The following LARP1 variants were observed in gnomAD, a reference collection of about 807,000 sequenced individuals.
LARP1 encodes la-related protein 1.
Under a neutral mutation model 122.7 loss-of-function variants are expected in LARP1, and 36 were observed. That is an observed-to-expected ratio of 0.29 (90% confidence interval 0.22 to 0.39). LARP1 has a LOEUF of 0.39. Among genes scored for constraint, LARP1 ranks in the 10% least tolerant of loss-of-function variants. The pLI, the probability that LARP1 is intolerant of heterozygous loss-of-function variation, is 1.00. For missense variants in LARP1, 1,040 were observed against 1,403.6 expected (o/e 0.74, Z 4.14); for synonymous variants, 539 against 528.7 (o/e 1.02, Z -0.27).
At chr5:154,790,475 A>G in intron 2 of LARP1, 89 bp downstream of exon 2, 1 of 1,353,138 alleles carries the variant, frequency 7.4e-7, no homozygotes, top group Non-Finnish European at 1.0e-6. Context: ...ACTGCCAACT[A>G]GTTCTGGATT....
chr5:154,808,894 A>G (rs1396551057), intron 16 of LARP1, among the ~76,000 whole-genome samples: 1 of 152,162 alleles, frequency 6.6e-6, no homozygotes, highest in Non-Finnish European at 1.5e-5. Context: ...AAAGGACCCT[A>G]TGTAAGTAAG....
chr5:154,711,916 A>C (rs1755241928), upstream of LARP1, among the ~76,000 whole-genome samples: 1 of 152,084 alleles, frequency 6.6e-6, no homozygotes. Flanking sequence ...TCACCTCCCT[A>C]GGGAGGGCCT....
At chr5:154,810,135 C>T (rs1402566217) in intron 16 of LARP1, among the ~76,000 whole-genome samples, 1 of 152,070 alleles carries the variant, frequency 6.6e-6, no homozygotes, top group Non-Finnish European at 1.5e-5. Context: ...TTTGGTACAT[C>T]TGTTAAGATC....
chr5:154,763,540 A>G (rs1307123892), intron 1 of LARP1, among the ~76,000 whole-genome samples: 1 of 150,328 alleles, frequency 6.7e-6, no homozygotes, highest in East Asian at 2.0e-4. Flanking sequence ...GCACTTTGGG[A>G]GACCGAGATG....
chr5:154,697,910 C>T (rs1039154751), intron 1 of LARP1, among the ~76,000 whole-genome samples: 6 of 152,164 alleles, frequency 3.9e-5, no homozygotes, highest in East Asian at 1.9e-4. Flanking sequence ...ACTGCAGCCT[C>T]GGACTCCTGG....
chr5:154,757,591 AACCATC>A (rs1268479115), intron 1 of LARP1, among the ~76,000 whole-genome samples: 5 of 152,076 alleles, frequency 3.3e-5, no homozygotes, highest in African/African-American at 1.2e-4. Context: ...AACTGGTTTA[AACCATC>A]AAAAATAAAG....
intron 4 of LARP1, 119 bp downstream of exon 4, chr5:154,792,915 C>T (rs1757453795): frequency 2.2e-6 from 2 of 909,598 alleles, no homozygotes; most frequent in Admixed American, 5.1e-5. Context: ...AATGGGGAAA[C>T]TGATGGATGT....
At chr5:154,746,616 C>T (rs778837660) in intron 1 of LARP1, among the ~76,000 whole-genome samples, 10 of 152,164 alleles carry the variant, frequency 6.6e-5, no homozygotes, top group African/African-American at 9.7e-5. Flanking sequence ...CTTCTATAGG[C>T]CTCAGTTCTT....
chr5:154,756,158 C>T lies in LARP1; in HGVS notation c.401C>T (p.Pro134Leu). ...CCGTGGACTAAGAACGCATTGCCGC[C>T]GGTCCTGACCACCGTGAACGGACAG... ...VNPWTKNALP[P>L]VLTTVNGQSP... is the part of the protein sequence containing the mutation. Residue 134 changes from proline to leucine, a missense_variant, in exon 1 of 19, where the codon CCG (proline) becomes CTG (leucine). Pro to Leu is a moderately conservative substitution (Grantham distance 98). Around this residue, in one of 8 missense-constraint regions of LARP1, gnomAD observed 257 missense variants for 273.3 expected, o/e 0.94. Coordinates refer to ENST00000518297, the MANE Select transcript of LARP1 (RefSeq NM_033551.3). 6.8e-6 allele frequency: 9 copies of T among 1,315,382 alleles called. No individual in the cohort carries two copies. Among genetic ancestry groups the T allele is most frequent in the Non-Finnish European group, 9.0e-6 (9 of 998,378 alleles). The allele number at this position is 1,315,382 out of a possible 1,614,324, so 81.5% of individuals were successfully genotyped here.
At chr5:154,795,748 T>G (rs1042170421) in intron 8 of LARP1, among the ~76,000 whole-genome samples, 22 of 147,752 alleles carry the variant, frequency 1.5e-4, no homozygotes, top group Non-Finnish European at 2.1e-4. Context: ...AAATTAACAG[T>G]TTAACATATT....
At chr5:154,813,700 A>T (rs1759466685) in intron 18 of LARP1, among the ~76,000 whole-genome samples, 187 bp from the exon 19 acceptor site, 1 of 152,228 alleles carries the variant, frequency 6.6e-6, no homozygotes, top group African/African-American at 2.4e-5. Flanking sequence ...CCCATGAGAG[A>T]GTGTGCATAA....
chr5:154,764,436 T>G (rs1754741271), intron 1 of LARP1, among the ~76,000 whole-genome samples: 1 of 148,874 alleles, frequency 6.7e-6, no homozygotes. Flanking sequence ...AGAGACCCCA[T>G]CTCTTTAAAA....
At chr5:154,773,864 AGT>A (rs1224522332) in intron 1 of LARP1, among the ~76,000 whole-genome samples, 3 of 152,264 alleles carry the variant, frequency 2.0e-5, no homozygotes, top group South Asian at 4.2e-4. Flanking sequence ...GAAAAAGACC[AGT>A]TGGGCCAGAG....
At position 154,799,776 on chromosome 5, in the gene LARP1, A is replaced by G; in HGVS notation, c.1546+17A>G. On this transcript the variant is annotated intron_variant, in intron 9 of 18. Transcript: ENST00000518297. The stretch of plus-strand genomic sequence containing the variant: ...AGGAGACAGGTAGGTACCTGCTGGC[A>G]TGAAGATTGCCCTTGTCCTCTGGGC... 1 of 1,614,078 alleles carries G rather than the reference A, an allele frequency of 6.2e-7. No homozygotes were observed. Among genetic ancestry groups the G allele is most frequent in the Non-Finnish European group, 8.5e-7 (1 of 1,179,916 alleles).
intron 1 of LARP1, among the ~76,000 whole-genome samples, chr5:154,727,539 T>A (rs1756298338): frequency 6.6e-6 from 1 of 152,090 alleles, no homozygotes; most frequent in African/African-American, 2.4e-5. Flanking sequence ...GGCTACAAAA[T>A]TTCAGTTAGA....
chr5:154,805,643 C>T (rs1334576269), intron 14 of LARP1: 1 of 465,142 alleles, frequency 2.1e-6, no homozygotes, highest in East Asian at 3.6e-5. Context: ...AGTCTTATGA[C>T]CCTGGATGAG....
chr5:154,724,029 T>A lies in LARP1; in HGVS notation c.205+10899T>A, dbSNP rs191508248. ...GTATAAGATCATTCTCAGACTGTAG[T>A]GAGTATTTTGAATCCTGCCAGAGGC... On this transcript the variant is annotated intron_variant, in intron 1 of 18. Transcript: ENST00000336314. Among the ~76,000 whole-genome samples the A allele has an allele frequency of 8.1e-4, 124 of 152,288 alleles. 2 individuals carry two copies. The highest frequency in any genetic ancestry group is 6.8e-3 in the Middle Eastern group (2 of 294).
intron 1 of LARP1, among the ~76,000 whole-genome samples, chr5:154,749,445 G>T (rs1320289433): frequency 6.6e-6 from 1 of 152,146 alleles, no homozygotes; most frequent in Non-Finnish European, 1.5e-5. Flanking sequence ...TCTGTAAAGT[G>T]GGGATAGTCA....
At chr5:154,791,847 G>A (rs1757378490) in intron 3 of LARP1, 1 of 419,738 alleles carries the variant, frequency 2.4e-6, no homozygotes, top group East Asian at 7.3e-5. Flanking sequence ...ACAGTTCAAA[G>A]CCATTTTATT....
Sources: allele counts gnomAD v4.1 joint callset (sites outside exome capture counted in the v4.1 genomes callset), GRCh38; gene constraint gnomAD v4.1.1; regional missense constraint gnomAD v4.1.1; transcripts MANE v1.5; gene names NCBI Gene and HGNC (gene_info 2026-07-23, HGNC 2026-07-21).